Variants in BRIP1 observed in about 807,000 individuals in gnomAD.
BRIP1 encodes the protein Fanconi anemia group J protein.
BRIP1 carries 88 observed loss-of-function variants against 119.7 expected under a neutral mutation model. The ratio of observed to expected loss-of-function variants is 0.74; its 90% CI spans 0.62 to 0.88. BRIP1 has a LOEUF of 0.88. BRIP1 is among the 40% of genes least tolerant of loss of function. The pLI is 0.00. For synonymous variants in BRIP1, 443 were observed against 496.5 expected (o/e 0.89, Z 1.43); for missense variants, 1,259 against 1,455.4 (o/e 0.87, Z 2.20).
At position 61,808,006 on chromosome 17, in the gene BRIP1, G is replaced by A. The variant is rs1388843317; in HGVS notation, c.918+461C>T. 1.3e-5 allele frequency among the ~76,000 whole-genome samples: 2 copies of A among 151,996 alleles called. No individual in the cohort carries two copies. Among genetic ancestry groups the A allele is most frequent in the East Asian group, 1.9e-4 (1 of 5,200 alleles). On this transcript the variant is annotated intron_variant, in intron 7 of 19. Transcript: ENST00000259008. This position sits in a 1 kb window ranked among gnomAD's most constrained non-coding sequence, Gnocchi z 4.1. ...GGGTTTGTATTTATCAGAATTATGAGGTGGGATAATCATTATATTTCTCAT... is the reference window on the plus strand; with the variant it reads ...GGGTTTGTATTTATCAGAATTATGAAGTGGGATAATCATTATATTTCTCAT...
Position 61,799,951 on chromosome 17 carries a change from GTT to G in BRIP1, c.1141-654_1141-653del. 6.6e-6 allele frequency among the ~76,000 whole-genome samples: 1 copy of G among 151,506 alleles called. No individual in the cohort carries two copies. The highest frequency in any genetic ancestry group is 1.9e-4 in the East Asian group (1 of 5,162). The stretch of plus-strand genomic sequence containing the variant: ...ATGGGGGTAAGGCCCAGGATTGTCA[GTT>G]AAATAGAGTATTCCATCCTTCTGTG... On this transcript the variant is annotated intron_variant, in intron 8 of 19. Transcript: ENST00000259008. This position sits in a 1 kb window ranked among gnomAD's most constrained non-coding sequence, Gnocchi z 5.1.
In BRIP1 at chr17:61,725,143, G is replaced by A. The variant is rs553850820; in HGVS notation, c.2380-9080C>T. On this transcript the variant is annotated intron_variant, in intron 16 of 19. Transcript: ENST00000259008. The surrounding 1 kb of genome is among the most constrained non-coding windows in gnomAD (Gnocchi z 5.3). ...AAATAGTGTGTGTGTGTGTGTGTGT[G>A]TGTATATACACTTTTTTTAAATGGG... 2.7e-4 allele frequency among the ~76,000 whole-genome samples: 41 copies of A among 151,764 alleles called. No individual in the cohort carries two copies. The highest frequency in any genetic ancestry group is 1.9e-3 in the South Asian group (9 of 4,814).
In BRIP1 at chr17:61,734,798, T is replaced by C. The variant is rs1334314632; in HGVS notation, c.2379+8215A>G. On this transcript the variant is annotated intron_variant, in intron 16 of 19. Transcript: ENST00000259008. This position sits in a 1 kb window ranked among gnomAD's most constrained non-coding sequence, Gnocchi z 5.2. ...AACTGTATTTTAACTTTTACTTCCA[T>C]AATCTTTCTCAAATTTAAGAAAAAA... is the stretch of plus-strand genomic sequence containing the variant. 1.3e-5 allele frequency among the ~76,000 whole-genome samples: 2 copies of C among 152,216 alleles called. No homozygotes were observed. The highest frequency in any genetic ancestry group is 2.9e-5 in the Non-Finnish European group (2 of 68,042).
chr17:61,784,128 G>C (rs1053499932), intron 11 of BRIP1, 142 bp downstream of exon 11: 11 of 730,304 alleles, frequency 1.5e-5, no homozygotes, highest in Admixed American at 2.8e-5. Flanking sequence ...GTGTCAATAA[G>C]AGCAAATATA....
chr17:61,826,359 C>T (rs2078407369), intron 6 of BRIP1, among the ~76,000 whole-genome samples: 1 of 152,134 alleles, frequency 6.6e-6, no homozygotes, highest in South Asian at 2.1e-4. Flanking sequence ...ATGAAGACAA[C>T]AGAAGCAATT....
chr17:61,741,292 C>T (rs2076983591), intron 16 of BRIP1, among the ~76,000 whole-genome samples: 1 of 152,206 alleles, frequency 6.6e-6, no homozygotes, highest in African/African-American at 2.4e-5. Flanking sequence ...GTTACTTCCT[C>T]CACTGAACTC....
At chr17:61,732,249 G>A (rs2076858421) in intron 16 of BRIP1, among the ~76,000 whole-genome samples, 1 of 151,870 alleles carries the variant, frequency 6.6e-6, no homozygotes, top group African/African-American at 2.4e-5. Context: ...TCCAAGTGAT[G>A]GAATTACAGG....
chr17:61,850,104 CTTT>C (rs144151549), intron 4 of BRIP1, among the ~76,000 whole-genome samples: 2 of 139,888 alleles, frequency 1.4e-5, no homozygotes, highest in Non-Finnish European at 3.1e-5. Flanking sequence ...TTTTAACCAT[CTTT>C]TTTTTTTTTT....
At position 61,695,976 on chromosome 17, in the gene BRIP1, G is replaced by A. The variant is rs1247168879; in HGVS notation, c.2493-2464C>T. Among the ~76,000 whole-genome samples, 1 of 151,964 alleles carries A rather than the reference G, an allele frequency of 6.6e-6. No homozygotes were observed. Among genetic ancestry groups the A allele is most frequent in the Non-Finnish European group, 1.5e-5 (1 of 67,976 alleles). On this transcript the variant is annotated intron_variant, in intron 17 of 19. Coordinates refer to ENST00000259008, the MANE Select transcript of BRIP1 (RefSeq NM_032043.3). The surrounding 1 kb of genome is among the most constrained non-coding windows in gnomAD (Gnocchi z 4.3). ...CTTTCTTTCTTCTTCTTGTCTCACT[G>A]CCCTGGTTAGAACCTCCAATACAAT... is the stretch of plus-strand genomic sequence containing the variant.
chr17:61,818,382 A>G (rs1443449694), intron 6 of BRIP1, among the ~76,000 whole-genome samples: 1 of 152,168 alleles, frequency 6.6e-6, no homozygotes, highest in Non-Finnish European at 1.5e-5. Context: ...ATATCCAAAG[A>G]CACTCTCAGG....
rs2078966037 is a variant in BRIP1, at chr17:61,861,012, A to G, written c.93+435T>C. 6.6e-6 allele frequency among the ~76,000 whole-genome samples: 1 copy of G among 152,190 alleles called. No homozygotes were observed. On this transcript the variant is annotated intron_variant, in intron 2 of 19. Transcript: ENST00000259008. The surrounding 1 kb of genome is among the most constrained non-coding windows in gnomAD (Gnocchi z 4.5). ...AAAGAACAAATTCAGGATACTAATA[A>G]TCTTGTTACCAGTAAATAAGATATG...
At chr17:61,838,073 G>T (rs892316024) in intron 6 of BRIP1, among the ~76,000 whole-genome samples, 2 of 152,132 alleles carry the variant, frequency 1.3e-5, no homozygotes, top group African/African-American at 4.8e-5. Context: ...ATGGAAGAAG[G>T]TTTGTCAAAA....
rs549128394 is a variant in BRIP1, at chr17:61,754,277, A to G, written c.2098-9686T>C. Among the ~76,000 whole-genome samples, 1 of 152,124 alleles carries G rather than the reference A, an allele frequency of 6.6e-6. No individual in the cohort carries two copies. Among genetic ancestry groups the G allele is most frequent in the African/African-American group, 2.4e-5 (1 of 41,402 alleles). On this transcript the variant is annotated intron_variant, in intron 14 of 19. Coordinates refer to ENST00000259008, the MANE Select transcript of BRIP1 (RefSeq NM_032043.3). This position sits in a 1 kb window ranked among gnomAD's most constrained non-coding sequence, Gnocchi z 4.1. ...CATACTTCAGTCCTACTCTGCTACA[A>G]TGGCTTCCTTTTGCTCAAACTAGGT...
In BRIP1 at chr17:61,842,197, T is replaced by G. The variant is rs2078667875; in HGVS notation, c.627+4904A>C. ...AAGTCAGGCATAGGCAGGTAAGTAC[T>G]GTATGTTCTTACTCATATGTAGGAG... On this transcript the variant is annotated intron_variant, in intron 6 of 19. Transcript: ENST00000259008. The surrounding 1 kb of genome is among the most constrained non-coding windows in gnomAD (Gnocchi z 5.1). Among the ~76,000 whole-genome samples, 1 of 152,086 alleles carries G rather than the reference T, an allele frequency of 6.6e-6. No individual in the cohort carries two copies. The highest frequency in any genetic ancestry group is 2.1e-4 in the South Asian group (1 of 4,816).
rs1064793415 is a variant in BRIP1, at chr17:61,776,530, C to A, written c.1968G>T (p.Lys656Asn). The change falls in exon 14 of 20, where the codon AAG becomes AAT. Residue 656 changes from lysine (K) to asparagine (N), a missense_variant. By Grantham distance (94) the Lys-to-Asn change is moderately conservative (BLOSUM62 0). Around this residue, in one of 3 missense-constraint regions of BRIP1, gnomAD observed 753 missense variants for 891.8 expected, o/e 0.84. Transcript: ENST00000259008. This position sits in a 1 kb window ranked among gnomAD's most constrained non-coding sequence, Gnocchi z 5.0. ...GGAAGGTAGCACAGAGATTCCGACC[C>A]TTGGGGCCTGACCCAATGGTACCAA... ...VWVGTIGSGP[K>N]GRNLCATFQN... 6.2e-7 allele frequency: 1 copy of A among 1,614,132 alleles called. No homozygotes were observed. The highest frequency in any genetic ancestry group is 8.5e-7 in the Non-Finnish European group (1 of 1,180,004).
rs549936945 is a variant in BRIP1 at position 61,802,376 on chromosome 17, C to G, written c.919-902G>C. 2.0e-5 allele frequency among the ~76,000 whole-genome samples: 3 copies of G among 152,272 alleles called. No homozygotes were observed. The highest frequency in any genetic ancestry group is 7.2e-5 in the African/African-American group (3 of 41,568). Reference sequence around the variant, plus strand: ...TCAGGAAGCTGAGGCAGGAGGATCACTTCAGCCCAGGAGTTCGAGGATGCA... The same window carrying G: ...TCAGGAAGCTGAGGCAGGAGGATCAGTTCAGCCCAGGAGTTCGAGGATGCA... On this transcript the variant is annotated intron_variant, in intron 7 of 19. Transcript: ENST00000259008. The surrounding 1 kb of genome is among the most constrained non-coding windows in gnomAD (Gnocchi z 6.0).
At chr17:61,838,543 C>CAAAA (rs1267927085) in intron 6 of BRIP1, among the ~76,000 whole-genome samples, 2 of 125,870 alleles carry the variant, frequency 1.6e-5, no homozygotes, top group Non-Finnish European at 3.3e-5. Flanking sequence ...GACTCCCTCT[C>CAAAA]AAAAAATAAA....
rs575278374 is a variant in BRIP1 at position 61,743,148 on chromosome 17, A to G, written c.2258-14T>C. On this transcript the variant is annotated splice_polypyrimidine_tract_variant and intron_variant, in intron 15 of 19. Transcript: ENST00000259008. The surrounding 1 kb of genome is among the most constrained non-coding windows in gnomAD (Gnocchi z 4.3). ...GGAGAGCTCCATCTTAAACAACAGA[A>G]AAAAGCATATCCAAAATTCTCAGAA... The G allele has an allele frequency of 6.2e-7, 1 of 1,613,748 alleles. No individual in the cohort carries two copies. The highest frequency in any genetic ancestry group is 1.3e-5 in the African/African-American group (1 of 75,042).
intron 16 of BRIP1, among the ~76,000 whole-genome samples, chr17:61,719,880 C>T (rs576049926): frequency 9.9e-5 from 15 of 152,128 alleles, no homozygotes; most frequent in East Asian, 7.7e-4. Context: ...CCAGACTGGA[C>T]GGCAGTGGTG....
Sources: gnomAD v4.1 joint callset for allele counts (sites outside exome capture counted in the v4.1 genomes callset) on GRCh38, gnomAD v4.1.1 for gene constraint, gnomAD v4.1.1 regional missense constraint, Gnocchi (gnomAD v3.1) non-coding constraint, MANE v1.5 for transcripts, NCBI Gene and HGNC (gene_info 2026-07-23, HGNC 2026-07-21) for gene names.